PIK3C2A: variants seen among roughly 807,000 people sequenced by gnomAD.
The protein encoded by PIK3C2A is phosphatidylinositol 4-phosphate 3-kinase C2 domain-containing subunit alpha.
A neutral mutation model predicts 204.5 loss-of-function variants in PIK3C2A; 97 were observed. The ratio of observed to expected loss-of-function variants is 0.47; its 90% CI spans 0.40 to 0.56. The LOEUF is 0.56. Among genes scored for constraint, PIK3C2A ranks in the 20% least tolerant of loss-of-function variants. PIK3C2A has a pLI of 0.00. For missense variants in PIK3C2A, 1,735 were observed against 1,969.2 expected (o/e 0.88, Z 2.25); for synonymous variants, 653 against 664.4 (o/e 0.98, Z 0.26).
chr11:17,103,351 G>C (rs1565242189), intron 23 of PIK3C2A, among the ~76,000 whole-genome samples: 1 of 151,974 alleles, frequency 6.6e-6, no homozygotes, highest in Non-Finnish European at 1.5e-5. Context: ...TCCCTCTCCT[G>C]GGGATTATTA....
chr11:17,146,035 C>A, intron 6 of PIK3C2A, 93 bp from the exon 7 acceptor site: 1 of 825,728 alleles, frequency 1.2e-6, no homozygotes, highest in South Asian at 1.8e-5. Flanking sequence ...TAAAATCTTG[C>A]AACTAAAGTG....
At chr11:17,116,353 A>G (rs1309814518) in intron 19 of PIK3C2A, among the ~76,000 whole-genome samples, 1 of 152,138 alleles carries the variant, frequency 6.6e-6, no homozygotes, top group Non-Finnish European at 1.5e-5. Context: ...ACTGCTTCAC[A>G]CCCACTAGAA....
intron 1 of PIK3C2A, among the ~76,000 whole-genome samples, chr11:17,187,307 G>T (rs1017088202): frequency 4.6e-5 from 7 of 152,170 alleles, no homozygotes; most frequent in African/African-American, 1.7e-4. Flanking sequence ...AGAAACTACA[G>T]AGAGATGACA....
intron 22 of PIK3C2A, among the ~76,000 whole-genome samples, chr11:17,105,633 G>A (rs1030471940): frequency 2.6e-5 from 4 of 152,126 alleles, no homozygotes; most frequent in Admixed American, 2.0e-4. Context: ...ACATATGAGT[G>A]GGAACATGAG....
intron 12 of PIK3C2A, among the ~76,000 whole-genome samples, chr11:17,130,135 A>C (rs1849648478): frequency 1.3e-5 from 2 of 152,194 alleles, no homozygotes; most frequent in Admixed American, 6.5e-5. Context: ...GGGATGTAAG[A>C]ATTCACACAA....
intron 8 of PIK3C2A, among the ~76,000 whole-genome samples, chr11:17,136,960 A>G (rs953872552): frequency 3.9e-5 from 6 of 152,224 alleles, no homozygotes; most frequent in African/African-American, 7.2e-5. Flanking sequence ...TAATTTCCAC[A>G]TTGAAAATAA....
intron 32 of PIK3C2A, 148 bp downstream of exon 32, chr11:17,091,186 A>G (rs1217407101): frequency 1.5e-6 from 1 of 657,384 alleles, no homozygotes; most frequent in Non-Finnish European, 2.6e-6. Flanking sequence ...CTTAATACCT[A>G]GGTGATAGGT....
At chr11:17,100,061 A>G in intron 25 of PIK3C2A, 92 bp from the exon 26 acceptor site, 2 of 663,544 alleles carry the variant, frequency 3.0e-6, no homozygotes, top group South Asian at 3.6e-5. Context: ...AATCAGAACT[A>G]AAGCAAACAA....
chr11:17,174,266 C>T (rs978715704), intron 1 of PIK3C2A, among the ~76,000 whole-genome samples: 7 of 151,468 alleles, frequency 4.6e-5, no homozygotes, highest in African/African-American at 1.7e-4. Flanking sequence ...AAGTATACTG[C>T]CTATTTTTCA....
At chr11:17,179,224 C>T (rs1487083895) in intron 1 of PIK3C2A, among the ~76,000 whole-genome samples, 1 of 152,084 alleles carries the variant, frequency 6.6e-6, no homozygotes, top group Non-Finnish European at 1.5e-5. Flanking sequence ...TGCAGCGGCT[C>T]GATCATAGCT....
At chr11:17,110,293 A>G in intron 22 of PIK3C2A, 139 bp downstream of exon 22, 1 of 607,324 alleles carries the variant, frequency 1.6e-6, no homozygotes, top group Non-Finnish European at 2.8e-6. Flanking sequence ...TGAGCAACTG[A>G]ATCAATAAAG....
chr11:17,095,890 C>T (rs1848440441), intron 27 of PIK3C2A, among the ~76,000 whole-genome samples: 1 of 151,420 alleles, frequency 6.6e-6, no homozygotes, highest in Admixed American at 6.6e-5. Flanking sequence ...GCACTCCAGC[C>T]TGGGCAACAG....
In PIK3C2A at chr11:17,094,448, G is replaced by T. The variant is rs113017296; in HGVS notation, c.4327-63C>A. The T allele has an allele frequency of 1.3e-4, 177 of 1,371,658 alleles. No homozygotes were observed. In the African/African-American group the frequency reaches 2.3e-3, roughly 18 times the overall value. 85.0% of individuals were successfully genotyped at this position (1,371,658 alleles called of 1,614,324 possible). A position where few individuals can be genotyped will look rare whatever the true frequency, so the allele number is the denominator to read the frequency against. On this transcript the variant is annotated intron_variant, in intron 27 of 32. Transcript: ENST00000691414. The stretch of plus-strand genomic sequence containing the variant: ...ATTTAAAACCTTCTTTCCAGGCCGG[G>T]TGCAGTGGCTCATGCCTGTAATCCC...
chr11:17,144,209 A>G (rs985112306), intron 8 of PIK3C2A, among the ~76,000 whole-genome samples: 4 of 152,052 alleles, frequency 2.6e-5, no homozygotes, highest in African/African-American at 9.7e-5. Context: ...TACCCTTCCC[A>G]ATTTTTTCTT....
At chr11:17,183,536 C>G (rs1051960239) in intron 1 of PIK3C2A, among the ~76,000 whole-genome samples, 1 of 151,936 alleles carries the variant, frequency 6.6e-6, no homozygotes. Context: ...ATTAGCCGGG[C>G]GTGGTGTGGT....
rs568320409 is a variant in PIK3C2A at position 17,142,409 on chromosome 11, C to T, written c.1704+3259G>A. ...GAAGAAGCCACAAGTAAGAGTGAGA[C>T]AGAGCAGCTAATGGAAATAAGGAAA... On this transcript the variant is annotated intron_variant, in intron 8 of 32. Coordinates refer to ENST00000691414, the MANE Select transcript of PIK3C2A (RefSeq NM_002645.4). Among the ~76,000 whole-genome samples the T allele has an allele frequency of 3.9e-5, 6 of 152,174 alleles. No homozygotes were observed. The East Asian group carries it at 1.2e-3, about 29-fold the overall frequency.
rs1364659757 is a variant in PIK3C2A at position 17,132,156 on chromosome 11, T to TTG, written c.2109-119_2109-118insCA. On this transcript the variant is annotated intron_variant, in intron 11 of 32. Transcript: ENST00000691414. ...TAATATCTGAAATAATCTGGTCACC[T>TTG]TTCATTTGAGTTTTTAGAAGTCCAT... is the stretch of plus-strand genomic sequence containing the variant. 5 of 613,426 alleles carry TTG rather than the reference T, an allele frequency of 8.2e-6. No homozygotes were observed. The Admixed American group carries it at 1.8e-4, about 22-fold the overall frequency. 38.0% of individuals were successfully genotyped at this position (613,426 alleles called of 1,614,324 possible).
At chr11:17,100,372 C>T (rs1221951082) in intron 25 of PIK3C2A, among the ~76,000 whole-genome samples, 1 of 151,764 alleles carries the variant, frequency 6.6e-6, no homozygotes, top group East Asian at 1.9e-4. Flanking sequence ...TACCACTATG[C>T]CTGGCGAACT....
At chr11:17,090,052 C>T (rs941712638) in intron 32 of PIK3C2A, 132 bp from the exon 33 acceptor site, 27 of 652,950 alleles carry the variant, frequency 4.1e-5, no homozygotes, top group South Asian at 1.5e-4. Context: ...ATGACACATC[C>T]GGTAGGTTTT....
Sources: gnomAD v4.1 joint callset for allele counts (sites outside exome capture counted in the v4.1 genomes callset) on GRCh38, gnomAD v4.1.1 for gene constraint, MANE v1.5 for transcripts, NCBI Gene and HGNC (gene_info 2026-07-23, HGNC 2026-07-21) for gene names.